Variants in ABLIM2 observed in about 807,000 individuals in gnomAD.
ABLIM2 encodes actin binding LIM protein family member 2.
Under a neutral mutation model 97.7 loss-of-function variants are expected in ABLIM2, and 53 were observed. The observed-to-expected ratio is 0.54, with a 90% CI of 0.44 to 0.68. The LOEUF is 0.68. ABLIM2 is among the 30% of genes least tolerant of loss of function. The pLI, the probability that ABLIM2 is intolerant of heterozygous loss-of-function variation, is 0.00. For synonymous variants in ABLIM2, 361 were observed against 345.8 expected, an observed-to-expected ratio of 1.04 and a Z score of -0.49; for missense variants, 835 against 867.2, an observed-to-expected ratio of 0.96 and a Z score of 0.47.
intron 9 of ABLIM2, among the ~76,000 whole-genome samples, chr4:8,041,687 G>C (rs1208041415): frequency 6.6e-6 from 1 of 152,146 alleles, no homozygotes; most frequent in East Asian, 1.9e-4. Context: ...TGGATCACCA[G>C]GTTAGGAGAT....
In ABLIM2 at chr4:8,085,862, C is replaced by G. The variant is rs1201823771; in HGVS notation, c.454+2307G>C. On this transcript the variant is annotated intron_variant, in intron 4 of 20. Coordinates refer to ENST00000447017, the MANE Select transcript of ABLIM2 (RefSeq NM_001130083.2). The surrounding 1 kb of genome is among the most constrained non-coding windows in gnomAD (Gnocchi z 6.1). Reference sequence around the variant, plus strand: ...GAACCAAGGCCACCTTGGACAGCCTCTAGTCCTAGTGGGGTGAGCTCACTT... The same window carrying G: ...GAACCAAGGCCACCTTGGACAGCCTGTAGTCCTAGTGGGGTGAGCTCACTT... Among the ~76,000 whole-genome samples, 1 of 152,234 alleles carries G rather than the reference C, an allele frequency of 6.6e-6. No individual in the cohort carries two copies. The highest frequency in any genetic ancestry group is 1.5e-5 in the Non-Finnish European group (1 of 68,042).
intron 6 of ABLIM2, among the ~76,000 whole-genome samples, chr4:8,062,735 GGCCTGGTC>G (rs1299004661): frequency 1.3e-5 from 2 of 151,866 alleles, no homozygotes; most frequent in Non-Finnish European, 2.9e-5. Flanking sequence ...CACCACGCCC[GGCCTGGTC>G]TGAGTAGCAC....
intron 8 of ABLIM2, among the ~76,000 whole-genome samples, chr4:8,051,782 C>T (rs1381557273): frequency 6.6e-6 from 1 of 152,158 alleles, no homozygotes; most frequent in African/African-American, 2.4e-5. Context: ...TGGCCACCCC[C>T]ACATATCCAC....
At chr4:7,971,512 CAG>C (rs1728009999) in intron 20 of ABLIM2, among the ~76,000 whole-genome samples, 1 of 152,152 alleles carries the variant, frequency 6.6e-6, no homozygotes, top group African/African-American at 2.4e-5. Flanking sequence ...GGCTCAGGCT[CAG>C]AGAGGTTGTG....
intron 4 of ABLIM2, among the ~76,000 whole-genome samples, chr4:8,084,546 AG>A (rs1209241417): frequency 2.6e-5 from 4 of 152,284 alleles, no homozygotes; most frequent in African/African-American, 7.2e-5. Context: ...GGAAGAGTGG[AG>A]GACCCCAAAG....
chr4:7,983,216 A>C, intron 20 of ABLIM2, 48 bp downstream of exon 20: 5 of 1,554,958 alleles, frequency 3.2e-6, no homozygotes, highest in Non-Finnish European at 4.4e-6. Context: ...ATCTGCGGGG[A>C]CTCTCGCATG....
intron 20 of ABLIM2, among the ~76,000 whole-genome samples, chr4:7,972,220 G>A (rs1423642546): frequency 6.6e-6 from 1 of 152,142 alleles, no homozygotes; most frequent in Non-Finnish European, 1.5e-5. Flanking sequence ...CAATGACGTG[G>A]CTGTCAGGTG....
intron 16 of ABLIM2, among the ~76,000 whole-genome samples, chr4:7,993,677 T>A (rs10016802): frequency 6.6e-6 from 1 of 151,904 alleles, no homozygotes. Context: ...ATCCTGTCTC[T>A]AAAAAAATAA....
At chr4:7,967,946 G>A (rs560583354) in intron 20 of ABLIM2, among the ~76,000 whole-genome samples, 1 of 152,342 alleles carries the variant, frequency 6.6e-6, no homozygotes, top group Admixed American at 6.5e-5. Flanking sequence ...TTGCCAAGCA[G>A]CCACCTGCCT....
At chr4:8,096,568 C>A (rs1831684910) in intron 3 of ABLIM2, among the ~76,000 whole-genome samples, 2 of 152,362 alleles carry the variant, frequency 1.3e-5, no homozygotes, top group South Asian at 4.1e-4. Flanking sequence ...CCACAGGGAA[C>A]TGCTTTGGAA....
chr4:8,010,160 C>G (rs912556811), intron 14 of ABLIM2, among the ~76,000 whole-genome samples: 4 of 152,224 alleles, frequency 2.6e-5, no homozygotes, highest in African/African-American at 9.6e-5. Flanking sequence ...AGCTGAGCAA[C>G]GAGGCATCTG....
rs1251416192 is a variant in ABLIM2 at position 8,140,514 on chromosome 4, G to T, written c.10+18166C>A. ...TGGGGGAAAGGGGGCAGTGACACGG[G>T]GGCCTTGCCTGCATGTGGGAGCCAC... On this transcript the variant is annotated intron_variant, in intron 1 of 20. Transcript: ENST00000447017. The surrounding 1 kb of genome is among the most constrained non-coding windows in gnomAD (Gnocchi z 5.9). Among the ~76,000 whole-genome samples, 1 of 152,158 alleles carries T rather than the reference G, an allele frequency of 6.6e-6. No homozygotes were observed. Among genetic ancestry groups the T allele is most frequent in the Admixed American group, 6.5e-5 (1 of 15,288 alleles).
chr4:7,990,913 T>C (rs762823293), intron 17 of ABLIM2, among the ~76,000 whole-genome samples: 17 of 152,200 alleles, frequency 1.1e-4, no homozygotes, highest in Non-Finnish European at 1.9e-4. Flanking sequence ...TCATTAATAA[T>C]ATTCACCAAT....
intron 6 of ABLIM2, among the ~76,000 whole-genome samples, chr4:8,065,489 C>T (rs771826638): frequency 1.3e-5 from 2 of 152,146 alleles, no homozygotes; most frequent in Non-Finnish European, 1.5e-5. Flanking sequence ...AGCCCTCGTG[C>T]GCTGCTGATG....
chr4:8,028,827 A>G (rs1779084942), intron 11 of ABLIM2, among the ~76,000 whole-genome samples: 1 of 152,258 alleles, frequency 6.6e-6, no homozygotes, highest in African/African-American at 2.4e-5. Flanking sequence ...TACCAGGCAC[A>G]TTGCAAGGAG....
rs963496056 is a variant in ABLIM2, at chr4:8,082,265, C to T, written c.455-1463G>A. On this transcript the variant is annotated intron_variant, in intron 4 of 20. Coordinates refer to ENST00000447017, the MANE Select transcript of ABLIM2 (RefSeq NM_001130083.2). The surrounding 1 kb of genome is among the most constrained non-coding windows in gnomAD (Gnocchi z 5.6). ...CCGACGTGCTGGGTACAAATCCTGG[C>T]CCCCACTATGCGCTGGGTCACACTG... Among the ~76,000 whole-genome samples, 7 of 152,142 alleles carry T rather than the reference C, an allele frequency of 4.6e-5. No individual in the cohort carries two copies. Among genetic ancestry groups the T allele is most frequent in the Non-Finnish European group, 1.0e-4 (7 of 68,014 alleles).
chr4:8,097,167 A>G lies in ABLIM2; in HGVS notation c.270T>C (p.Ile90=). The change falls in exon 3 of 21, where the codon ATT becomes ATC. Residue 90 remains isoleucine (I), a synonymous_variant. Transcript: ENST00000447017. The part of the protein sequence containing the change: ...GTRCFSCDQF[I]EGEVVSALGK... ...CCAGCGCCGACACCACCTCACCCTC[A>G]ATGAACTGGTCGCAGCTGAAGCAGC... The G allele has an allele frequency of 6.2e-7, 1 of 1,610,002 alleles. No individual in the cohort carries two copies.
In ABLIM2 at chr4:8,036,227, A is replaced by C; in HGVS notation, c.969T>G (p.Tyr323Ter). ...AGATCATGTCGGGGCGGTCGATGTCATAGATGGCCTTACTTTTAGGAAGGG... is the reference window on the plus strand; with the variant it reads ...AGATCATGTCGGGGCGGTCGATGTCCTAGATGGCCTTACTTTTAGGAAGGG... ...LAALPKSKAI[Y>*]DIDRPDMISY... Residue 323 changes from tyrosine (Y) to a stop codon, truncating the protein, a stop_gained, in exon 10 of 21, where the codon TAT (tyrosine) becomes TAG (stop). Transcript: ENST00000447017. LOFTEE classifies it high-confidence loss of function. 1 of 1,613,892 alleles carries C rather than the reference A, an allele frequency of 6.2e-7. No homozygotes were observed. The highest frequency in any genetic ancestry group is 8.5e-7 in the Non-Finnish European group (1 of 1,179,814).
At chr4:8,086,631 C>G (rs1029996621) in intron 4 of ABLIM2, among the ~76,000 whole-genome samples, 1 of 152,170 alleles carries the variant, frequency 6.6e-6, no homozygotes, top group Admixed American at 6.5e-5. Context: ...AGGCATGAGC[C>G]ACCACACCCA....
Sources: allele counts gnomAD v4.1 joint callset (sites outside exome capture counted in the v4.1 genomes callset), GRCh38; gene constraint gnomAD v4.1.1; non-coding constraint Gnocchi (gnomAD v3.1); transcripts MANE v1.5; gene names NCBI Gene and HGNC (gene_info 2026-07-23, HGNC 2026-07-21).